Variants in FAS observed in about 807,000 individuals in gnomAD.
FAS encodes the protein tumor necrosis factor receptor superfamily member 6.
In FAS, 5 loss-of-function variants were observed where a neutral mutation model predicts 33.2. The observed-to-expected ratio is 0.15, with a 90% CI of 0.08 to 0.32. FAS has a LOEUF of 0.32. FAS is among the 10% of genes least tolerant of loss of function. FAS has a pLI of 1.00. For missense variants in FAS, 339 were observed against 386.0 expected, an observed-to-expected ratio of 0.88 and a Z score of 1.02; for synonymous variants, 131 against 130.7, an observed-to-expected ratio of 1.00 and a Z score of -0.01.
At chr10:88,987,125 G>C (rs147545363), upstream of FAS, among the ~76,000 whole-genome samples, 57 of 152,178 alleles carry the variant, frequency 3.7e-4, no homozygotes, top group Admixed American at 7.2e-4. Context: ...TTTGTCACTT[G>C]GCCACTGTGG....
intron 1 of FAS, among the ~76,000 whole-genome samples, chr10:88,992,063 G>T (rs1278147623): frequency 6.6e-6 from 1 of 152,170 alleles, no homozygotes; most frequent in Non-Finnish European, 1.5e-5. Flanking sequence ...GGTTCAGAGA[G>T]CTTCAGTAAT....
intron 1 of FAS, among the ~76,000 whole-genome samples, chr10:88,996,045 T>C (rs1847568445): frequency 6.6e-6 from 1 of 152,202 alleles, no homozygotes; most frequent in Admixed American, 6.5e-5. Flanking sequence ...TGTCCTTCAA[T>C]GAAGTCAGGC....
chr10:88,991,880 G>T (rs985680852), intron 1 of FAS, among the ~76,000 whole-genome samples: 3 of 152,164 alleles, frequency 2.0e-5, no homozygotes, highest in African/African-American at 7.2e-5. Context: ...GATCCAGGAG[G>T]CTCATTTGAG....
At chr10:88,974,189 A>T (rs534633971) in intron 2 of FAS, 3 of 152,202 alleles carry the variant, frequency 2.0e-5, no homozygotes, top group African/African-American at 7.2e-5. Flanking sequence ...AGACATTGAG[A>T]GGACCCAGAA....
rs567870920 is a variant in FAS at position 89,015,956 on chromosome 10, T to C, written c.*1506T>C. On this transcript the variant is annotated 3_prime_UTR_variant, in exon 9 of 9. Coordinates refer to ENST00000652046, the MANE Select transcript of FAS (RefSeq NM_000043.6). Reference sequence around the variant, plus strand: ...AAATAATTATTTCCATAGGTTGCTATTGCCAAGAAGACCTCTTCCAAACAG... The same window carrying C: ...AAATAATTATTTCCATAGGTTGCTACTGCCAAGAAGACCTCTTCCAAACAG... 3 of 271,936 alleles carry C rather than the reference T, an allele frequency of 1.1e-5. No homozygotes were observed. Among genetic ancestry groups the C allele is most frequent in the Non-Finnish European group, 2.1e-5 (3 of 140,834 alleles). 16.8% of individuals were successfully genotyped at this position (271,936 alleles called of 1,614,324 possible).
chr10:88,988,216 A>C (rs576829046), upstream of FAS, among the ~76,000 whole-genome samples: 1 of 152,218 alleles, frequency 6.6e-6, no homozygotes, highest in Admixed American at 6.5e-5. Flanking sequence ...AGTTTTTCTA[A>C]AGACAACTTG....
chr10:88,994,151 TG>T, intron 1 of FAS, among the ~76,000 whole-genome samples: 1 of 152,366 alleles, frequency 6.6e-6, no homozygotes, highest in East Asian at 1.9e-4. Flanking sequence ...ACTCTTATAC[TG>T]ACACATAGGA....
At chr10:89,002,189 T>A (rs1847966474) in intron 1 of FAS, among the ~76,000 whole-genome samples, 1 of 152,168 alleles carries the variant, frequency 6.6e-6, no homozygotes, top group Non-Finnish European at 1.5e-5. Flanking sequence ...CATACCTAGA[T>A]GGAGTAAAAT....
At chr10:88,992,302 T>C (rs778781591) in intron 1 of FAS, 1 of 152,220 alleles carries the variant, frequency 6.6e-6, no homozygotes, top group Non-Finnish European at 1.5e-5. Flanking sequence ...TGATTCAAGA[T>C]TGAGAAAACA....
At chr10:88,979,611 A>C (rs1571014) in intron 2 of FAS, among the ~76,000 whole-genome samples, 54,402 of 148,934 alleles carry the variant, frequency 0.37, 10,967 homozygotes, top group East Asian at 0.8. Context: ...GTTAATGATG[A>C]CTTTTTTTTT....
chr10:88,972,359 T>C (rs1047306280), intron 1 of FAS, among the ~76,000 whole-genome samples: 11 of 152,218 alleles, frequency 7.2e-5, no homozygotes, highest in African/African-American at 2.4e-4. Context: ...TAATAGTAAT[T>C]GATGTCACAA....
rs1462888256 is a variant in FAS, at chr10:89,010,574, C to A, written c.479C>A (p.Thr160Asn). 6.2e-7 allele frequency: 1 copy of A among 1,613,766 alleles called. No homozygotes were observed. Residue 160 changes from threonine to asparagine, a missense_variant, in exon 5 of 9, where the codon ACC becomes AAC. Thr to Asn is a moderately conservative substitution (Grantham distance 65, BLOSUM62 0). This residue lies in a region of FAS where 276 missense variants were observed against 300.1 expected (regional missense o/e 0.92). Coordinates refer to ENST00000652046, the MANE Select transcript of FAS (RefSeq NM_000043.6). ...GGAATCATCAAGGAATGCACACTCA[C>A]CAGCAACACCAAGTGCAAAGAGGAA... ...EHGIIKECTLTSNTKCKEEGS... is the reference protein window; with the variant it reads ...EHGIIKECTLNSNTKCKEEGS...
intron 2 of FAS, among the ~76,000 whole-genome samples, chr10:89,007,448 T>C (rs1221672695): frequency 1.3e-5 from 2 of 152,214 alleles, no homozygotes; most frequent in Non-Finnish European, 2.9e-5. Flanking sequence ...TTTTTTTTTG[T>C]ATGCTCCTGT....
intron 1 of FAS, among the ~76,000 whole-genome samples, chr10:89,001,022 A>C (rs1306163464): frequency 6.6e-6 from 1 of 152,274 alleles, no homozygotes; most frequent in Non-Finnish European, 1.5e-5. Context: ...ACTGTGCTCC[A>C]GCCTGGGTGA....
In FAS at chr10:89,015,261, T is replaced by C. The variant is rs1158152798; in HGVS notation, c.*811T>C. 1.9e-6 allele frequency: 1 copy of C among 534,758 alleles called. No homozygotes were observed. The highest frequency in any genetic ancestry group is 3.9e-5 in the East Asian group (1 of 25,732). 33.1% of individuals were successfully genotyped at this position (534,758 alleles called of 1,614,324 possible). A position where few individuals can be genotyped will look rare whatever the true frequency, so the allele number is the denominator to read the frequency against. ...TAATGCACCCCCAAACATGGAAATATCACCAAAAAATACTTAATAGTCCAC... is the reference window on the plus strand; with the variant it reads ...TAATGCACCCCCAAACATGGAAATACCACCAAAAAATACTTAATAGTCCAC... On this transcript the variant is annotated 3_prime_UTR_variant, in exon 9 of 9. Transcript: ENST00000652046.
upstream of FAS, chr10:88,989,669 A>G: frequency 2.2e-6 from 1 of 460,710 alleles, no homozygotes; most frequent in Non-Finnish European, 4.3e-6. Flanking sequence ...AACAGGCTCC[A>G]GAAGAAAATG....
At chr10:88,987,100 T>G (rs1212256781), upstream of FAS, among the ~76,000 whole-genome samples, 1 of 152,232 alleles carries the variant, frequency 6.6e-6, no homozygotes, top group African/African-American at 2.4e-5. Context: ...TTGGTAGAAA[T>G]AATTATTAAT....
At chr10:88,980,217 A>G (rs980511826) in intron 2 of FAS, among the ~76,000 whole-genome samples, 3 of 152,230 alleles carry the variant, frequency 2.0e-5, no homozygotes, top group Non-Finnish European at 4.4e-5. Context: ...AATTAAACAT[A>G]ATGCACTTTA....
rs1848019915 is a variant in FAS, at chr10:89,003,047, A to G, written c.49A>G (p.Arg17Gly). Reference sequence around the variant, plus strand: ...TTTACAGGTTCTTACGTCTGTTGCTAGATTATCGTCCAAAAGTGTTAATGC... The same window carrying G: ...TTTACAGGTTCTTACGTCTGTTGCTGGATTATCGTCCAAAAGTGTTAATGC... ...LLPLVLTSVA[R>G]LSSKSVNAQV... Residue 17 changes from arginine to glycine, a missense_variant, in exon 2 of 9, where the codon AGA (arginine) becomes GGA (glycine). Physicochemically the swap from Arg to Gly is moderately radical, Grantham distance 125 (BLOSUM62 -2). Transcript: ENST00000652046. 1.2e-6 allele frequency: 2 copies of G among 1,614,136 alleles called. No homozygotes were observed. Among genetic ancestry groups the G allele is most frequent in the Non-Finnish European group, 1.7e-6 (2 of 1,179,988 alleles).
Sources: gnomAD v4.1 joint callset for allele counts (sites outside exome capture counted in the v4.1 genomes callset) on GRCh38, gnomAD v4.1.1 for gene constraint, gnomAD v4.1.1 regional missense constraint, MANE v1.5 for transcripts, NCBI Gene and HGNC (gene_info 2026-07-23, HGNC 2026-07-21) for gene names.